Variants in KHDRBS2 observed in about 807,000 individuals in gnomAD.
KHDRBS2 encodes KH RNA binding domain containing, signal transduction associated 2, also known as KH domain-containing, RNA-binding, signal transduction-associated protein 2.
Under a neutral mutation model 44.3 loss-of-function variants are expected in KHDRBS2, and 26 were observed. The observed-to-expected ratio is 0.59, with a 90% CI of 0.43 to 0.81. The LOEUF (loss-of-function observed/expected upper bound fraction) is 0.81. Ranked by LOEUF, KHDRBS2 falls within the 40% of genes least tolerant of loss-of-function variation. The probability of loss-of-function intolerance (pLI) is 0.00; values close to 1 mark genes in which losing one functional copy is unlikely to be tolerated. For synonymous variants in KHDRBS2, 194 were observed against 151.1 expected, an observed-to-expected ratio of 1.28 and a Z score of -2.08; for missense variants, 476 against 433.1, an observed-to-expected ratio of 1.10 and a Z score of -0.88.
rs574015616 is a variant in KHDRBS2, at chr6:61,736,737, C to T, written c.811-3973G>A. On this transcript the variant is annotated intron_variant, in intron 6 of 8. Transcript: ENST00000281156. ...TCCCCCATTTCCATCTGTTGAAATG[C>T]TACTGATTCCTCAAGGTCATTTTAC... Among the ~76,000 whole-genome samples, 4 of 152,058 alleles carry T rather than the reference C, an allele frequency of 2.6e-5. No homozygotes were observed. In the South Asian group the frequency reaches 8.3e-4, roughly 32 times the overall value.
the KHDRBS2 span, among the ~76,000 whole-genome samples, chr6:61,555,784 A>AG: frequency 6.6e-6 from 1 of 151,498 alleles, no homozygotes; most frequent in East Asian, 2.0e-4. Context: ...TGTTTTTTGG[A>AG]GGGCAAGGCT....
At chr6:61,619,458 TTTGTTTG>T in the KHDRBS2 span, among the ~76,000 whole-genome samples, 6 of 152,168 alleles carry the variant, frequency 3.9e-5, no homozygotes, top group Admixed American at 3.9e-4. Flanking sequence ...TGTTTGTTTG[TTTGTTTG>T]TTTTTTGAGA....
At chr6:61,593,554 GAC>G in the KHDRBS2 span, among the ~76,000 whole-genome samples, 1 of 150,128 alleles carries the variant, frequency 6.7e-6, no homozygotes, top group Non-Finnish European at 1.5e-5. Context: ...ATTATAGTAA[GAC>G]TAATTTATTT....
intron 2 of KHDRBS2, among the ~76,000 whole-genome samples, chr6:62,118,374 T>C (rs1314181415): frequency 2.0e-5 from 3 of 152,184 alleles, no homozygotes; most frequent in Non-Finnish European, 4.4e-5. Flanking sequence ...CTTTGGCTAT[T>C]TGGGGTCTTT....
intron 1 of KHDRBS2, among the ~76,000 whole-genome samples, chr6:62,182,493 T>C (rs1189395952): frequency 6.6e-6 from 1 of 151,916 alleles, no homozygotes; most frequent in Non-Finnish European, 1.5e-5. Context: ...ATAAATGTAG[T>C]GGGATGAAAC....
At chr6:61,901,206 C>T in intron 5 of KHDRBS2, 38 bp downstream of exon 5, 1 of 1,597,464 alleles carries the variant, frequency 6.3e-7, no homozygotes, top group Non-Finnish European at 8.5e-7. Context: ...AAAGGCCTGC[C>T]ATCATCCTTA....
At chr6:61,576,067 T>G in the KHDRBS2 span, among the ~76,000 whole-genome samples, 1 of 150,000 alleles carries the variant, frequency 6.7e-6, no homozygotes, top group Non-Finnish European at 1.5e-5. Context: ...CTTATCCATG[T>G]AACCAGAAAC....
chr6:62,182,739 T>G (rs1431067587), intron 1 of KHDRBS2, among the ~76,000 whole-genome samples: 2 of 151,900 alleles, frequency 1.3e-5, no homozygotes, highest in East Asian at 3.9e-4. Flanking sequence ...TGGCAAGTCA[T>G]ACTATATAAT....
At chr6:62,228,126 G>A (rs958106522) in intron 1 of KHDRBS2, among the ~76,000 whole-genome samples, 1 of 152,148 alleles carries the variant, frequency 6.6e-6, no homozygotes, top group African/African-American at 2.4e-5. Context: ...ACCCCTGGTA[G>A]AATTCAGCTG....
intron 1 of KHDRBS2, among the ~76,000 whole-genome samples, chr6:62,249,047 T>C (rs1333552674): frequency 6.6e-6 from 1 of 152,124 alleles, no homozygotes; most frequent in Non-Finnish European, 1.5e-5. Context: ...GGAAAAGTAA[T>C]GAGGCTAATC....
chr6:62,061,783 C>T lies in KHDRBS2; in HGVS notation c.220-13789G>A, dbSNP rs987734038. Among the ~76,000 whole-genome samples the T allele has an allele frequency of 2.1e-3, 308 of 147,908 alleles. 1 individual carries two copies. Among genetic ancestry groups the T allele is most frequent in the African/African-American group, 7.2e-3 (288 of 40,248 alleles). ...CTGCAGAGTGTTTTCCAACTTGGTT[C>T]CATTCTCCCCATCACTTTCAGGTAC... On this transcript the variant is annotated intron_variant, in intron 2 of 8. Transcript: ENST00000281156.
At chr6:62,242,996 T>G (rs906462597) in intron 1 of KHDRBS2, among the ~76,000 whole-genome samples, 1 of 152,136 alleles carries the variant, frequency 6.6e-6, no homozygotes, top group Non-Finnish European at 1.5e-5. Flanking sequence ...GCAGAAACAC[T>G]TTTCCATTTG....
chr6:62,285,741 G>A, intron 1 of KHDRBS2, 117 bp downstream of exon 1: 1 of 669,528 alleles, frequency 1.5e-6, no homozygotes, highest in South Asian at 1.8e-5. Context: ...CATCTTCAGG[G>A]GGACAGTTTC....
intron 6 of KHDRBS2, among the ~76,000 whole-genome samples, chr6:61,792,568 T>C (rs1784778083): frequency 6.6e-6 from 1 of 151,664 alleles, no homozygotes; most frequent in African/African-American, 2.4e-5. Context: ...TATATCGTTG[T>C]AGAGTGATAG....
chr6:61,859,225 A>C (rs1262024931), intron 6 of KHDRBS2, among the ~76,000 whole-genome samples: 1 of 152,044 alleles, frequency 6.6e-6, no homozygotes. Context: ...AATGACTCCA[A>C]GTTTTTCCTC....
intron 1 of KHDRBS2, among the ~76,000 whole-genome samples, chr6:62,230,958 A>C (rs1453725969): frequency 6.6e-6 from 1 of 152,232 alleles, no homozygotes; most frequent in African/African-American, 2.4e-5. Context: ...TACATGTGTA[A>C]GGGCTATATT....
chr6:61,589,168 C>A, the KHDRBS2 span, among the ~76,000 whole-genome samples: 1 of 152,112 alleles, frequency 6.6e-6, no homozygotes, highest in Non-Finnish European at 1.5e-5. Context: ...GTGCAGCAAA[C>A]CACCATGGCA....
intron 3 of KHDRBS2, among the ~76,000 whole-genome samples, chr6:62,023,388 T>C (rs1260654860): frequency 1.3e-5 from 2 of 151,694 alleles, no homozygotes; most frequent in South Asian, 2.1e-4. Flanking sequence ...GTTTTCAGCA[T>C]AGATATTCTC....
chr6:62,208,317 ACTC>A (rs1288280034), intron 1 of KHDRBS2, among the ~76,000 whole-genome samples: 1 of 152,084 alleles, frequency 6.6e-6, no homozygotes, highest in Admixed American at 6.6e-5. Flanking sequence ...ACAGTCCTGA[ACTC>A]CTGGTCTCAA....
Sources: allele counts gnomAD v4.1 joint callset (sites outside exome capture counted in the v4.1 genomes callset), GRCh38; gene constraint gnomAD v4.1.1; transcripts MANE v1.5; gene names NCBI Gene and HGNC (gene_info 2026-07-23, HGNC 2026-07-21).